Variants in LRMDA observed in about 807,000 individuals in gnomAD.
LRMDA encodes leucine rich melanocyte differentiation associated.
Under a neutral mutation model 29.8 loss-of-function variants are expected in LRMDA, and 18 were observed. That is an observed-to-expected ratio of 0.60 (90% confidence interval 0.42 to 0.90). The LOEUF is 0.90. Ranked by LOEUF, LRMDA falls within the 40% of genes least tolerant of loss-of-function variation. The pLI is 0.00. For missense variants in LRMDA, 273 were observed against 273.9 expected, an observed-to-expected ratio of 1.00 and a Z score of 0.02; for synonymous variants, 125 against 109.4, an observed-to-expected ratio of 1.14 and a Z score of -0.89.
chr10:76,155,782 G>A lies in LRMDA; in HGVS notation c.516+96999G>A, dbSNP rs150388292. On this transcript the variant is annotated intron_variant, in intron 5 of 6. Transcript: ENST00000611255. ...GGGATTTCTGGTTCCTGCATATGAC[G>A]CAGTCTATCCTGACTATCACATTTT... Among the ~76,000 whole-genome samples, 598 of 152,216 alleles carry A rather than the reference G, an allele frequency of 3.9e-3. 2 individuals are homozygous for A. The highest frequency in any genetic ancestry group is 6.1e-3 in the Non-Finnish European group (416 of 68,000).
At chr10:76,451,863 G>A (rs866500118) in intron 6 of LRMDA, among the ~76,000 whole-genome samples, 1 of 151,628 alleles carries the variant, frequency 6.6e-6, no homozygotes, top group Non-Finnish European at 1.5e-5. Context: ...CTCCATGTTG[G>A]TCAGGCTGGT....
intron 6 of LRMDA, among the ~76,000 whole-genome samples, chr10:76,329,571 T>C (rs1435710323): frequency 6.6e-6 from 1 of 152,238 alleles, no homozygotes; most frequent in Non-Finnish European, 1.5e-5. Context: ...CTTTGACTAT[T>C]GTTGGCAATC....
At chr10:76,163,403 T>G (rs11001650) in intron 5 of LRMDA, among the ~76,000 whole-genome samples, 29,616 of 152,102 alleles carry the variant, frequency 0.19, 3,349 homozygotes, top group East Asian at 0.52. Flanking sequence ...TCCCAGGCAG[T>G]CACATTCAAT....
intron 5 of LRMDA, among the ~76,000 whole-genome samples, chr10:76,078,846 C>CA (rs60213558): frequency 0.37 from 56,735 of 151,564 alleles, 11,811 homozygotes; most frequent in Non-Finnish European, 0.46. Flanking sequence ...AAAACAAAAA[C>CA]AAACAAACAA....
intron 2 of LRMDA, among the ~76,000 whole-genome samples, chr10:75,826,880 T>C (rs1844254674): frequency 6.6e-6 from 1 of 152,204 alleles, no homozygotes; most frequent in Admixed American, 6.5e-5. Flanking sequence ...GTTTCATTTG[T>C]GTATTTTATG....
chr10:76,215,931 T>A (rs76210609), intron 5 of LRMDA, among the ~76,000 whole-genome samples: 2,492 of 152,306 alleles, frequency 0.016, 33 homozygotes, highest in South Asian at 0.071. Flanking sequence ...ATGACTTGCA[T>A]AAATTTAAAA....
intron 6 of LRMDA, among the ~76,000 whole-genome samples, chr10:76,534,698 C>T (rs1455687550): frequency 1.3e-5 from 2 of 152,110 alleles, no homozygotes; most frequent in African/African-American, 4.8e-5. Context: ...AAAATATTAT[C>T]ATTTGGCAAT....
At chr10:75,741,317 C>T (rs1399715650) in intron 2 of LRMDA, among the ~76,000 whole-genome samples, 1 of 152,138 alleles carries the variant, frequency 6.6e-6, no homozygotes, top group Non-Finnish European at 1.5e-5. Context: ...AGGGCACATT[C>T]TCAGACCACA....
At chr10:76,422,337 G>A (rs566146299) in intron 6 of LRMDA, among the ~76,000 whole-genome samples, 1 of 152,078 alleles carries the variant, frequency 6.6e-6, no homozygotes, top group South Asian at 2.1e-4. Flanking sequence ...AGGCCCTGAC[G>A]TAAGATTTTC....
chr10:75,990,033 A>G (rs1847340186), intron 2 of LRMDA, among the ~76,000 whole-genome samples: 1 of 152,152 alleles, frequency 6.6e-6, no homozygotes, highest in Non-Finnish European at 1.5e-5. Flanking sequence ...TTGATACAAT[A>G]ACTGGTAAGA....
chr10:75,920,924 A>G (rs1846015491), intron 2 of LRMDA, among the ~76,000 whole-genome samples: 2 of 152,174 alleles, frequency 1.3e-5, no homozygotes, highest in African/African-American at 4.8e-5. Context: ...TTGTTCCACT[A>G]GAGTAATTTC....
intron 2 of LRMDA, among the ~76,000 whole-genome samples, chr10:75,610,919 T>C (rs1240525647): frequency 1.3e-5 from 2 of 152,078 alleles, no homozygotes; most frequent in Admixed American, 6.5e-5. Flanking sequence ...TTTTCCTGAG[T>C]TGGCCTTGTT....
At chr10:75,552,205 G>A (rs1840159056) in intron 2 of LRMDA, among the ~76,000 whole-genome samples, 1 of 152,072 alleles carries the variant, frequency 6.6e-6, no homozygotes, top group Non-Finnish European at 1.5e-5. Context: ...CATCATCATA[G>A]TATGGTATGT....
At chr10:75,885,044 G>A (rs915381086) in intron 2 of LRMDA, among the ~76,000 whole-genome samples, 4 of 152,026 alleles carry the variant, frequency 2.6e-5, no homozygotes, top group East Asian at 1.9e-4. Context: ...GGCCGGGGGA[G>A]GACAGCAGTT....
chr10:76,431,883 A>AT (rs1442001688), intron 6 of LRMDA, among the ~76,000 whole-genome samples: 1 of 152,100 alleles, frequency 6.6e-6, no homozygotes, highest in African/African-American at 2.4e-5. Context: ...AAAAACGGGA[A>AT]TTTCCCTGTA....
intron 2 of LRMDA, among the ~76,000 whole-genome samples, chr10:75,616,234 T>TAGCAGCAGCAGCAGCAGCAGC (rs1006575002): frequency 6.2e-4 from 91 of 146,808 alleles, no homozygotes; most frequent in African/African-American, 2.1e-3. Context: ...ACAGTAATAG[T>TAGCAGCAGCAGCAGCAGCAGC]AGCAGTAGCA....
intron 6 of LRMDA, among the ~76,000 whole-genome samples, chr10:76,413,220 C>T (rs1387446533): frequency 6.6e-6 from 1 of 152,184 alleles, no homozygotes; most frequent in Non-Finnish European, 1.5e-5. Flanking sequence ...TAGCATCTCT[C>T]CTACATAGAT....
At position 75,814,858 on chromosome 10, in the gene LRMDA, T is replaced by A. The variant is rs532291233; in HGVS notation, c.132-221150T>A. On this transcript the variant is annotated intron_variant, in intron 2 of 6. Coordinates refer to ENST00000611255, the MANE Select transcript of LRMDA (RefSeq NM_001305581.2). ...TAATAGGGCTTTAAATTTTCATGTT[T>A]CAGTTGATTTTTTTCTATTGCAGTT... Among the ~76,000 whole-genome samples, 13 of 152,338 alleles carry A rather than the reference T, an allele frequency of 8.5e-5. No homozygotes were observed. The South Asian group carries it at 2.5e-3, about 29-fold the overall frequency.
At chr10:76,031,569 A>T (rs971903679) in intron 2 of LRMDA, among the ~76,000 whole-genome samples, 2 of 152,022 alleles carry the variant, frequency 1.3e-5, no homozygotes, top group Non-Finnish European at 2.9e-5. Flanking sequence ...CTGCATGGAG[A>T]TCCCCTCTTA....
Sources: allele counts gnomAD v4.1 joint callset (sites outside exome capture counted in the v4.1 genomes callset), GRCh38; gene constraint gnomAD v4.1.1; transcripts MANE v1.5; gene names NCBI Gene and HGNC (gene_info 2026-07-23, HGNC 2026-07-21).